Variants in PRH1 observed in about 807,000 individuals in gnomAD.
PRH1 encodes the protein proline rich protein HaeIII subfamily 1, also known as salivary acidic proline-rich phosphoprotein 1/2.
A neutral mutation model predicts 7.9 loss-of-function variants in PRH1; 7 were observed. The observed-to-expected ratio is 0.89, with a 90% CI of 0.50 to 1.67. The LOEUF is 1.67. Among genes scored for constraint, PRH1 ranks in the 40% most tolerant of loss-of-function variants. PRH1 has a pLI of 0.00. For synonymous variants in PRH1, 45 were observed against 80.8 expected (o/e 0.56, Z 2.38); for missense variants, 109 against 223.6 (o/e 0.49, Z 3.27).
At chr12:11,028,915 T>G (rs554240844) in intron 1 of PRH1, among the ~76,000 whole-genome samples, 3 of 152,270 alleles carry the variant, frequency 2.0e-5, no homozygotes, top group African/African-American at 7.2e-5. Context: ...TTCATGCAAC[T>G]GCAGATTTTG....
rs993623182 is a variant in PRH1 at position 11,100,503 on chromosome 12, C to G, written n.124-53315G>C. On this transcript the variant is annotated intron_variant and non_coding_transcript_variant, in intron 1 of 4. Transcript: ENST00000541977. ...AGCACTGGATCTCAAAATGTCATTTCAATTAATAAGACAAAGTATCTCCAC... is the reference window on the plus strand; with the variant it reads ...AGCACTGGATCTCAAAATGTCATTTGAATTAATAAGACAAAGTATCTCCAC... Among the ~76,000 whole-genome samples, 7 of 152,156 alleles carry G rather than the reference C, an allele frequency of 4.6e-5. No individual in the cohort carries two copies. In the East Asian group the frequency reaches 1.3e-3, roughly 29 times the overall value.
chr12:11,111,938 C>A (rs1276874630), intron 1 of PRH1, among the ~76,000 whole-genome samples: 1 of 131,966 alleles, frequency 7.6e-6, no homozygotes, highest in Non-Finnish European at 1.7e-5. Context: ...AGAGAATAAT[C>A]CAATAGACAC....
At chr12:10,922,420 A>G (rs2135849640) in intron 2 of PRH1, among the ~76,000 whole-genome samples, 1 of 152,232 alleles carries the variant, frequency 6.6e-6, no homozygotes, top group East Asian at 1.9e-4. Context: ...TCTTTTTCTC[A>G]GTTATAGAGA....
chr12:10,884,630 G>A (rs1949462539), upstream of PRH1, among the ~76,000 whole-genome samples: 1 of 152,074 alleles, frequency 6.6e-6, no homozygotes, highest in Non-Finnish European at 1.5e-5. Context: ...TGTGTCGGGG[G>A]GTGGACACTG....
At chr12:11,042,833 G>C (rs1474421668) in intron 1 of PRH1, among the ~76,000 whole-genome samples, 3 of 151,800 alleles carry the variant, frequency 2.0e-5, no homozygotes, top group Non-Finnish European at 4.4e-5. Context: ...GTTTCACTGT[G>C]TTAGCCAGGA....
intron 1 of PRH1, among the ~76,000 whole-genome samples, chr12:11,168,213 GAAGAAAGAAAGAAAGAAA>G (rs1947647085): frequency 2.0e-4 from 4 of 19,618 alleles, no homozygotes; most frequent in East Asian, 1.6e-3. Context: ...AAGAAAGAAA[GAAGAAAGAAAGAAAGAAA>G]GAAAGAAAGA....
intron 1 of PRH1, among the ~76,000 whole-genome samples, chr12:11,100,362 T>C (rs1482173977): frequency 6.6e-6 from 1 of 152,184 alleles, no homozygotes; most frequent in Non-Finnish European, 1.5e-5. Flanking sequence ...CTAGGCATCC[T>C]CCTGCAACTT....
intron 2 of PRH1, among the ~76,000 whole-genome samples, chr12:10,907,098 C>A (rs951348011): frequency 2.0e-5 from 3 of 152,136 alleles, no homozygotes; most frequent in Non-Finnish European, 4.4e-5. Flanking sequence ...TACCTACCAA[C>A]TGTTGGCCAG....
intron 1 of PRH1, among the ~76,000 whole-genome samples, chr12:10,994,712 A>C (rs1940127441): frequency 6.6e-6 from 1 of 152,160 alleles, no homozygotes; most frequent in Non-Finnish European, 1.5e-5. Context: ...ATCAGTTTAT[A>C]ATATGGTGAT....
intron 1 of PRH1, among the ~76,000 whole-genome samples, chr12:11,135,871 G>A (rs1946535330): frequency 6.6e-6 from 1 of 152,076 alleles, no homozygotes; most frequent in Admixed American, 6.6e-5. Flanking sequence ...TTTCCCCTCA[G>A]TATATAATGA....
At chr12:10,894,238 A>G (rs1166457786) in intron 2 of PRH1, among the ~76,000 whole-genome samples, 1 of 152,162 alleles carries the variant, frequency 6.6e-6, no homozygotes, top group Non-Finnish European at 1.5e-5. Context: ...TAACCAATTG[A>G]GTAAAATTTT....
chr12:11,043,699 A>C (rs1184762059), intron 1 of PRH1, among the ~76,000 whole-genome samples: 2 of 152,292 alleles, frequency 1.3e-5, no homozygotes, highest in Non-Finnish European at 1.5e-5. Context: ...CAAAAGCCAC[A>C]CATAAAATTA....
Position 10,902,613 on chromosome 12 carries a change from A to G in PRH1, c.-58-18338T>C, listed in dbSNP as rs371752468. The stretch of plus-strand genomic sequence containing the variant: ...CACTAAAGAAAAAAATCTTAAAGGC[A>G]GCTAGAGAAAAAGATCAGATCACAT... On this transcript the variant is annotated intron_variant, in intron 2 of 3. Coordinates refer to the PRH1 transcript ENST00000539853. 1.1e-3 allele frequency among the ~76,000 whole-genome samples: 173 copies of G among 152,276 alleles called. 6 individuals carry two copies. The South Asian group carries it at 0.034, about 30-fold the overall frequency.
At chr12:11,068,550 C>A (rs1340903594) in intron 1 of PRH1, among the ~76,000 whole-genome samples, 1 of 152,096 alleles carries the variant, frequency 6.6e-6, no homozygotes, top group African/African-American at 2.4e-5. Flanking sequence ...GGAGGACATG[C>A]ATAAAGATAA....
chr12:11,029,441 T>G (rs1942076783), intron 1 of PRH1, among the ~76,000 whole-genome samples: 1 of 152,198 alleles, frequency 6.6e-6, no homozygotes, highest in Non-Finnish European at 1.5e-5. Context: ...ATTTTATTTT[T>G]CAAAAAGAGA....
chr12:11,040,077 T>C (rs1591868669), intron 1 of PRH1, among the ~76,000 whole-genome samples: 1 of 152,226 alleles, frequency 6.6e-6, no homozygotes, highest in Non-Finnish European at 1.5e-5. Context: ...TCAGCAATTG[T>C]GTAACTATTT....
At chr12:10,895,206 C>A (rs1216527916) in intron 2 of PRH1, 1 of 152,118 alleles carries the variant, frequency 6.6e-6, no homozygotes, top group Non-Finnish European at 1.5e-5. Flanking sequence ...TTTACATGGG[C>A]TTCTGTGCTG....
At chr12:11,169,335 A>C (rs1947737427) in intron 1 of PRH1, among the ~76,000 whole-genome samples, 1 of 152,226 alleles carries the variant, frequency 6.6e-6, no homozygotes. Flanking sequence ...TATTGCTCCT[A>C]TCCCACTCTC....
At chr12:11,168,734 G>GA (rs1413067219) in intron 1 of PRH1, among the ~76,000 whole-genome samples, 6 of 152,068 alleles carry the variant, frequency 3.9e-5, no homozygotes, top group Non-Finnish European at 7.4e-5. Flanking sequence ...TATAAAAGCT[G>GA]AAAAACAGTA....
Sources: gnomAD v4.1 joint callset for allele counts (sites outside exome capture counted in the v4.1 genomes callset) on GRCh38, gnomAD v4.1.1 for gene constraint, MANE v1.5 for transcripts, NCBI Gene and HGNC (gene_info 2026-07-23, HGNC 2026-07-21) for gene names.